Variants in CDH18 observed in about 807,000 individuals in gnomAD.
The protein encoded by CDH18 is cadherin-18.
A neutral mutation model predicts 67.9 loss-of-function variants in CDH18; 31 were observed. The ratio of observed to expected loss-of-function variants is 0.46; its 90% CI spans 0.34 to 0.62. The LOEUF is 0.62. Among genes scored for constraint, CDH18 ranks in the 20% least tolerant of loss-of-function variants. CDH18 has a pLI of 0.01. For synonymous variants in CDH18, 362 were observed against 347.2 expected (o/e 1.04, Z -0.48); for missense variants, 890 against 975.5 (o/e 0.91, Z 1.17).
intron 1 of CDH18, among the ~76,000 whole-genome samples, chr5:20,395,390 A>G (rs114285030): frequency 0.012 from 1,817 of 152,182 alleles, 16 homozygotes; most frequent in South Asian, 0.037. Flanking sequence ...GAACTAACCT[A>G]TGGGTACTCA....
chr5:19,996,841 T>C (rs952367228), intron 2 of CDH18, among the ~76,000 whole-genome samples: 32 of 152,004 alleles, frequency 2.1e-4, no homozygotes, highest in African/African-American at 7.7e-4. Flanking sequence ...TTCTTACACA[T>C]TACCAAAACA....
At chr5:20,125,274 T>A (rs1467548940) in intron 2 of CDH18, among the ~76,000 whole-genome samples, 3 of 131,310 alleles carry the variant, frequency 2.3e-5, no homozygotes, top group Admixed American at 1.7e-4. Flanking sequence ...ATTGGCTCAA[T>A]AATACAACTT....
intron 5 of CDH18, among the ~76,000 whole-genome samples, chr5:19,702,767 A>G (rs1763437609): frequency 6.6e-6 from 1 of 151,996 alleles, no homozygotes; most frequent in Non-Finnish European, 1.5e-5. Context: ...CTGGCCATAA[A>G]CAAAATCTCT....
intron 1 of CDH18, among the ~76,000 whole-genome samples, chr5:20,528,787 A>C (rs2126545803): frequency 6.6e-6 from 1 of 152,224 alleles, no homozygotes; most frequent in South Asian, 2.1e-4. Flanking sequence ...CACATGAAAA[A>C]GCTGGAAAGA....
chr5:20,003,819 GC>G (rs1359127009), intron 2 of CDH18, among the ~76,000 whole-genome samples: 1 of 152,104 alleles, frequency 6.6e-6, no homozygotes, highest in Non-Finnish European at 1.5e-5. Context: ...AATGGCGTGA[GC>G]CCGGAGGTGG....
intron 1 of CDH18, among the ~76,000 whole-genome samples, chr5:20,307,037 A>T (rs73764938): frequency 0.023 from 3,465 of 152,264 alleles, 134 homozygotes; most frequent in African/African-American, 0.078. Context: ...AATACAGGAC[A>T]TATTAAGAAG....
intron 2 of CDH18, among the ~76,000 whole-genome samples, chr5:20,084,382 A>T (rs1490639164): frequency 6.6e-6 from 1 of 152,206 alleles, no homozygotes; most frequent in Non-Finnish European, 1.5e-5. Flanking sequence ...GTGGTTTTGC[A>T]GGGTACAGCC....
At chr5:20,175,122 T>C (rs116487279) in intron 2 of CDH18, among the ~76,000 whole-genome samples, 1,668 of 151,096 alleles carry the variant, frequency 0.011, 16 homozygotes, top group Middle Eastern at 0.024. Flanking sequence ...AGAAAGAGGG[T>C]AGGGGAGGAA....
At chr5:20,524,771 C>G (rs1561093964) in intron 1 of CDH18, among the ~76,000 whole-genome samples, 1 of 152,086 alleles carries the variant, frequency 6.6e-6, no homozygotes, top group East Asian at 1.9e-4. Context: ...AGTGTTCTAG[C>G]TATCAAAAAC....
chr5:19,990,066 A>ACAC (rs765333899), upstream of CDH18, among the ~76,000 whole-genome samples: 2 of 152,230 alleles, frequency 1.3e-5, 1 homozygote, highest in Non-Finnish European at 2.9e-5. Context: ...GTCCAGACAC[A>ACAC]AATTCTTAAT....
chr5:20,324,621 C>T (rs972537656), intron 1 of CDH18, among the ~76,000 whole-genome samples: 3 of 151,988 alleles, frequency 2.0e-5, no homozygotes, highest in Non-Finnish European at 2.9e-5. Context: ...TCATGGGAGT[C>T]TTTACTGAAA....
At chr5:19,846,668 G>T (rs1346521379) in intron 2 of CDH18, among the ~76,000 whole-genome samples, 2 of 152,122 alleles carry the variant, frequency 1.3e-5, no homozygotes, top group Non-Finnish European at 2.9e-5. Flanking sequence ...ATTACATGCA[G>T]ATTTTGGTAT....
intron 2 of CDH18, among the ~76,000 whole-genome samples, chr5:20,147,089 C>T (rs1029393880): frequency 6.6e-6 from 1 of 152,090 alleles, no homozygotes; most frequent in Non-Finnish European, 1.5e-5. Flanking sequence ...TAAAGTATGA[C>T]TTTGAAAACA....
chr5:20,323,946 T>G (rs1377637442), intron 1 of CDH18, among the ~76,000 whole-genome samples: 1 of 152,228 alleles, frequency 6.6e-6, no homozygotes, highest in Non-Finnish European at 1.5e-5. Flanking sequence ...GCTGACCTTA[T>G]GGAAAGCAGG....
intron 8 of CDH18, among the ~76,000 whole-genome samples, chr5:19,556,239 C>G (rs1330121453): frequency 6.6e-6 from 1 of 152,086 alleles, no homozygotes; most frequent in Admixed American, 6.6e-5. Context: ...AAAGATCACA[C>G]TAGATTATCA....
intron 3 of CDH18, among the ~76,000 whole-genome samples, chr5:19,831,762 T>C (rs1455492902): frequency 6.6e-6 from 1 of 151,174 alleles, no homozygotes. Flanking sequence ...ATATACCCCC[T>C]CCCCCAAAAT....
At position 19,486,146 on chromosome 5, in the gene CDH18, C is replaced by G. The variant is rs78018078; in HGVS notation, c.1631-2594G>C. On this transcript the variant is annotated intron_variant, in intron 11 of 12. Transcript: ENST00000382275. Reference sequence around the variant, plus strand: ...GCTTCCCACCTAGAAAGGCTTAGCACAGCAGAATAATGAACTCTTGACAAG... The same window carrying G: ...GCTTCCCACCTAGAAAGGCTTAGCAGAGCAGAATAATGAACTCTTGACAAG... 9.5e-3 allele frequency among the ~76,000 whole-genome samples: 1,441 copies of G among 151,904 alleles called. 15 individuals carry two copies. The highest frequency in any genetic ancestry group is 0.037 in the Middle Eastern group (11 of 294).
chr5:20,031,899 G>C (rs1435971), intron 2 of CDH18, among the ~76,000 whole-genome samples: 3 of 151,778 alleles, frequency 2.0e-5, no homozygotes, highest in East Asian at 2.0e-4. Flanking sequence ...GACAATCAAG[G>C]CTCATCCAGT....
intron 2 of CDH18, among the ~76,000 whole-genome samples, chr5:19,872,330 A>G (rs748671169): frequency 5.3e-5 from 8 of 152,208 alleles, no homozygotes; most frequent in Non-Finnish European, 8.8e-5. Context: ...CAGAACCTGT[A>G]GCTGGTTTCT....
Sources: allele counts gnomAD v4.1 joint callset (sites outside exome capture counted in the v4.1 genomes callset), GRCh38; gene constraint gnomAD v4.1.1; transcripts MANE v1.5; gene names NCBI Gene and HGNC (gene_info 2026-07-23, HGNC 2026-07-21).